Variants in ENOX1 observed in about 807,000 individuals in gnomAD.
ENOX1 encodes ecto-NOX disulfide-thiol exchanger 1.
Under a neutral mutation model 82.5 loss-of-function variants are expected in ENOX1, and 42 were observed. The ratio of observed to expected loss-of-function variants is 0.51; its 90% CI spans 0.40 to 0.66. The LOEUF (loss-of-function observed/expected upper bound fraction) is 0.66, where lower values mean the gene tolerates loss of function less well. ENOX1 is among the 30% of genes least tolerant of loss of function. ENOX1 has a pLI of 0.00. For missense variants in ENOX1, 608 were observed against 811.6 expected, an observed-to-expected ratio of 0.75 and a Z score of 3.05; for synonymous variants, 271 against 282.2, an observed-to-expected ratio of 0.96 and a Z score of 0.40.
At chr13:43,459,274 C>T (rs1199682541) in intron 3 of ENOX1, 1 of 152,136 alleles carries the variant, frequency 6.6e-6, no homozygotes, top group East Asian at 1.9e-4. Context: ...ACCAGGGTAC[C>T]TCTGGCAATT....
intron 2 of ENOX1, among the ~76,000 whole-genome samples, chr13:43,540,164 C>T (rs9562497): frequency 0.42 from 64,381 of 151,982 alleles, 13,788 homozygotes; most frequent in African/African-American, 0.49. Context: ...CAAACATATT[C>T]GAGTTTAAGT....
chr13:43,392,044 C>A (rs1264219861), intron 5 of ENOX1, among the ~76,000 whole-genome samples: 2 of 152,150 alleles, frequency 1.3e-5, no homozygotes, highest in Non-Finnish European at 2.9e-5. Flanking sequence ...CTCTGGGGTC[C>A]TCTTCTATGC....
chr13:43,481,808 A>G (rs1027241900), intron 3 of ENOX1, among the ~76,000 whole-genome samples: 1 of 152,220 alleles, frequency 6.6e-6, no homozygotes, highest in Non-Finnish European at 1.5e-5. Flanking sequence ...CTACAACTCA[A>G]CTGCAAAATA....
chr13:43,718,984 A>G (rs1056878941), intron 1 of ENOX1, among the ~76,000 whole-genome samples: 2 of 152,206 alleles, frequency 1.3e-5, no homozygotes, highest in African/African-American at 4.8e-5. Flanking sequence ...ATACATAGGA[A>G]AAAATTATCG....
intron 5 of ENOX1, among the ~76,000 whole-genome samples, chr13:43,391,166 G>A (rs12875944): frequency 0.51 from 77,964 of 151,724 alleles, 24,945 homozygotes; most frequent in Non-Finnish European, 0.73. Context: ...CAATCATGCC[G>A]GCTACTACTT....
At position 43,385,204 on chromosome 13, in the gene ENOX1, T is replaced by G. The variant is rs1483365588; in HGVS notation, c.209-23752A>C. Among the ~76,000 whole-genome samples, 14 of 151,930 alleles carry G rather than the reference T, an allele frequency of 9.2e-5. No individual in the cohort carries two copies. The South Asian group carries it at 2.9e-3, about 32-fold the overall frequency. On this transcript the variant is annotated intron_variant, in intron 5 of 16. Transcript: ENST00000690772. ...TCTATAAGCAGGAGAAAATTTTATC[T>G]TATAATATCAATAAATAACTCTTAG...
intron 1 of ENOX1, among the ~76,000 whole-genome samples, chr13:43,682,331 G>A (rs2085831766): frequency 6.6e-6 from 1 of 152,056 alleles, no homozygotes; most frequent in East Asian, 1.9e-4. Flanking sequence ...TTAGATAATA[G>A]GAACATCTGA....
At chr13:43,540,185 A>T (rs2078646637) in intron 2 of ENOX1, among the ~76,000 whole-genome samples, 2 of 152,228 alleles carry the variant, frequency 1.3e-5, no homozygotes, top group Non-Finnish European at 2.9e-5. Context: ...CTACCATCTT[A>T]GCATCTACTC....
chr13:43,288,316 G>A (rs2045817984), intron 12 of ENOX1, among the ~76,000 whole-genome samples: 3 of 151,954 alleles, frequency 2.0e-5, no homozygotes, highest in Admixed American at 6.6e-5. Context: ...ATATGAATGT[G>A]GGAAATGTCT....
chr13:43,641,148 C>A (rs2083631160), intron 2 of ENOX1, among the ~76,000 whole-genome samples: 1 of 152,104 alleles, frequency 6.6e-6, no homozygotes, highest in Non-Finnish European at 1.5e-5. Context: ...TTTGGAGGGG[C>A]ATCAAGGTAT....
chr13:43,338,691 T>G (rs1463899995), intron 9 of ENOX1, among the ~76,000 whole-genome samples: 1 of 138,306 alleles, frequency 7.2e-6, no homozygotes, highest in South Asian at 2.6e-4. Context: ...TTTTTTTTTT[T>G]TTTTTTTTTT....
At chr13:43,217,966 T>A (rs1210751903) in intron 16 of ENOX1, among the ~76,000 whole-genome samples, 1 of 152,194 alleles carries the variant, frequency 6.6e-6, no homozygotes, top group Non-Finnish European at 1.5e-5. Context: ...GTGTGCCAGG[T>A]ACTGTTCTGG....
intron 13 of ENOX1, among the ~76,000 whole-genome samples, chr13:43,267,885 T>G (rs2044471785): frequency 6.6e-6 from 1 of 152,240 alleles, no homozygotes; most frequent in South Asian, 2.1e-4. Context: ...TTAAAATTCT[T>G]CCTTCTCAAT....
intron 3 of ENOX1, among the ~76,000 whole-genome samples, chr13:43,436,597 C>T (rs1353630184): frequency 6.6e-6 from 1 of 152,152 alleles, no homozygotes; most frequent in Non-Finnish European, 1.5e-5. Flanking sequence ...AGTTATATAA[C>T]AGCCTTGATA....
At chr13:43,735,731 A>G (rs1485635045) in intron 1 of ENOX1, among the ~76,000 whole-genome samples, 1 of 152,150 alleles carries the variant, frequency 6.6e-6, no homozygotes, top group Non-Finnish European at 1.5e-5. Context: ...CAAAAAAAAA[A>G]GGCAAATGTG....
At chr13:43,429,819 T>C (rs2055551819) in intron 3 of ENOX1, among the ~76,000 whole-genome samples, 2 of 152,344 alleles carry the variant, frequency 1.3e-5, no homozygotes, top group Middle Eastern at 3.4e-3. Flanking sequence ...GGAAGCTCCT[T>C]GCTAAGCTAA....
intron 2 of ENOX1, among the ~76,000 whole-genome samples, chr13:43,639,101 C>T (rs187182429): frequency 4.1e-5 from 4 of 97,272 alleles, no homozygotes; most frequent in Admixed American, 1.2e-4. Flanking sequence ...GTCAGGAGTT[C>T]GAGACCAGCC....
intron 2 of ENOX1, among the ~76,000 whole-genome samples, chr13:43,514,504 T>C (rs2077486529): frequency 6.6e-6 from 1 of 152,136 alleles, no homozygotes; most frequent in Non-Finnish European, 1.5e-5. Flanking sequence ...GGGAGTATTA[T>C]CTTAAACAGC....
At chr13:43,429,583 A>G (rs2055537898) in intron 3 of ENOX1, among the ~76,000 whole-genome samples, 1 of 152,196 alleles carries the variant, frequency 6.6e-6, no homozygotes, top group South Asian at 2.1e-4. Flanking sequence ...ATGGGGAAAG[A>G]CTTGTGTAAT....
Sources: gnomAD v4.1 joint callset for allele counts (sites outside exome capture counted in the v4.1 genomes callset) on GRCh38, gnomAD v4.1.1 for gene constraint, MANE v1.5 for transcripts, NCBI Gene and HGNC (gene_info 2026-07-23, HGNC 2026-07-21) for gene names.